PEX3: variants seen among roughly 807,000 people sequenced by gnomAD.
PEX3 encodes the protein peroxisomal biogenesis factor 3.
A neutral mutation model predicts 55.8 loss-of-function variants in PEX3; 30 were observed. The ratio of observed to expected loss-of-function variants is 0.54; its 90% CI spans 0.40 to 0.73. The LOEUF is 0.73. PEX3 is among the 30% of genes least tolerant of loss of function. The pLI, the probability that PEX3 is intolerant of heterozygous loss-of-function variation, is 0.00. For synonymous variants in PEX3, 135 were observed against 148.4 expected (o/e 0.91, Z 0.66); for missense variants, 351 against 432.8 (o/e 0.81, Z 1.68).
rs141469072 is a variant in PEX3, at chr6:143,479,005, C to T, written c.819-71C>T. On this transcript the variant is annotated intron_variant, in intron 9 of 11. Transcript: ENST00000367591. This position sits in a 1 kb window ranked among gnomAD's most constrained non-coding sequence, Gnocchi z 4.6. ...TGTTGGTGGCTTTCAAAGGTAACCA[C>T]GTTATTACTGAATTTGTTTTCTCTT... is the stretch of plus-strand genomic sequence containing the variant. 24 of 924,342 alleles carry T rather than the reference C, an allele frequency of 2.6e-5. No individual in the cohort carries two copies. The highest frequency in any genetic ancestry group is 1.1e-4 in the African/African-American group (7 of 61,658). 57.3% of individuals were successfully genotyped at this position (924,342 alleles called of 1,614,324 possible). A position where few individuals can be genotyped will look rare whatever the true frequency, so the allele number is the denominator to read the frequency against.
At chr6:143,472,863 G>A (rs1282213656) in intron 8 of PEX3, among the ~76,000 whole-genome samples, 1 of 152,198 alleles carries the variant, frequency 6.6e-6, no homozygotes, top group African/African-American at 2.4e-5. Flanking sequence ...GGAGGTTATA[G>A]TCATCCACTT....
rs1719951778 is a variant in PEX3 at position 143,488,789 on chromosome 6, T to C, written c.1039-354T>C. Among the ~76,000 whole-genome samples the C allele has an allele frequency of 6.6e-6, 1 of 152,100 alleles. No homozygotes were observed. Among genetic ancestry groups the C allele is most frequent in the African/African-American group, 2.4e-5 (1 of 41,438 alleles). Reference sequence around the variant, plus strand: ...AGATCTTCTAGAAAGTAATACACCCTTAACCGTGTTATGTCAGCTTCCAGC... The same window carrying C: ...AGATCTTCTAGAAAGTAATACACCCCTAACCGTGTTATGTCAGCTTCCAGC... On this transcript the variant is annotated intron_variant, in intron 11 of 11. Coordinates refer to ENST00000367591, the MANE Select transcript of PEX3 (RefSeq NM_003630.3). This position sits in a 1 kb window ranked among gnomAD's most constrained non-coding sequence, Gnocchi z 4.9.
Position 143,472,270 on chromosome 6 carries a change from C to A in PEX3, c.689C>A (p.Ser230Tyr). The stretch of plus-strand genomic sequence containing the variant: ...TCTTCTTGGATTAATAAAGATGGAT[C>A]CAAACCTTTATTATGCCATTATATG... ...KSSSWINKDG[S>Y]KPLLCHYMMP... Residue 230 changes from serine (S) to tyrosine (Y), a missense_variant, in exon 8 of 12, where the codon TCC becomes TAC. Transcript: ENST00000367591. The A allele has an allele frequency of 6.2e-7, 1 of 1,606,534 alleles. No individual in the cohort carries two copies. Among genetic ancestry groups the A allele is most frequent in the Non-Finnish European group, 8.5e-7 (1 of 1,173,538 alleles).
In PEX3 at chr6:143,476,726, G is replaced by C. The variant is rs1482062591; in HGVS notation, c.818+1870G>C. Among the ~76,000 whole-genome samples the C allele has an allele frequency of 6.6e-6, 1 of 152,218 alleles. No homozygotes were observed. Among genetic ancestry groups the C allele is most frequent in the African/African-American group, 2.4e-5 (1 of 41,458 alleles). On this transcript the variant is annotated intron_variant, in intron 9 of 11. Coordinates refer to ENST00000367591, the MANE Select transcript of PEX3 (RefSeq NM_003630.3). This position sits in a 1 kb window ranked among gnomAD's most constrained non-coding sequence, Gnocchi z 5.4. ...AGGAACTGCCATTTACATTTTGGCA[G>C]TGTTAAGCATATCCAAGTGGATATG...
intron 9 of PEX3, among the ~76,000 whole-genome samples, chr6:143,477,352 A>C (rs188480222): frequency 2.1e-3 from 323 of 152,314 alleles, no homozygotes; most frequent in Non-Finnish European, 3.2e-3. Context: ...ATGTATCTTC[A>C]GCTCTTAGAA....
Position 143,476,594 on chromosome 6 carries a change from T to G in PEX3, c.818+1738T>G, listed in dbSNP as rs968499025. 2.6e-5 allele frequency among the ~76,000 whole-genome samples: 4 copies of G among 152,138 alleles called. No individual in the cohort carries two copies. Among genetic ancestry groups the G allele is most frequent in the Non-Finnish European group, 4.4e-5 (3 of 68,028 alleles). ...AATAACAAGTGGCTAAATAATAGAT[T>G]TATTTTTAAGGTTGAACCAGTAGTA... On this transcript the variant is annotated intron_variant, in intron 9 of 11. Coordinates refer to ENST00000367591, the MANE Select transcript of PEX3 (RefSeq NM_003630.3). The surrounding 1 kb of genome is among the most constrained non-coding windows in gnomAD (Gnocchi z 5.4).
Position 143,450,873 on chromosome 6 carries a change from C to A in PEX3, c.-170C>A. Reference sequence around the variant, plus strand: ...GCTGCTTTGCTGTAGTCCACGCCCCCTTGCCGCTCCGGTGACAGTCTCTGC... The same window carrying A: ...GCTGCTTTGCTGTAGTCCACGCCCCATTGCCGCTCCGGTGACAGTCTCTGC... On this transcript the variant is annotated 5_prime_UTR_variant, in exon 1 of 12. Coordinates refer to ENST00000367591, the MANE Select transcript of PEX3 (RefSeq NM_003630.3). The A allele has an allele frequency of 1.3e-6, 1 of 789,146 alleles. No homozygotes were observed. The highest frequency in any genetic ancestry group is 2.2e-6 in the Non-Finnish European group (1 of 447,056). 48.9% of individuals were successfully genotyped at this position (789,146 alleles called of 1,614,324 possible). A position where few individuals can be genotyped will look rare whatever the true frequency, so the allele number is the denominator to read the frequency against.
At chr6:143,474,208 G>A (rs559763280) in intron 8 of PEX3, among the ~76,000 whole-genome samples, 1 of 152,008 alleles carries the variant, frequency 6.6e-6, no homozygotes, top group South Asian at 2.1e-4. Context: ...CCAGCACTTT[G>A]GGAGGCCGAG....
rs576014785 is a variant in PEX3, at chr6:143,488,308, A to T, written c.1039-835A>T. ...TTTCACAGACTGGTGAAGCCTATGG[A>T]CCCCTTCTCAGAACAATATTTATAA... is the stretch of plus-strand genomic sequence containing the variant. On this transcript the variant is annotated intron_variant, in intron 11 of 11. Transcript: ENST00000367591. The surrounding 1 kb of genome is among the most constrained non-coding windows in gnomAD (Gnocchi z 4.9). Among the ~76,000 whole-genome samples the T allele has an allele frequency of 7.2e-4, 109 of 152,192 alleles. No individual in the cohort carries two copies. Among genetic ancestry groups the T allele is most frequent in the Non-Finnish European group, 1.2e-3 (80 of 67,978 alleles).
In PEX3 at chr6:143,485,312, T is replaced by C; in HGVS notation, c.1038+64T>C. ...ATATTTGTGGTGGTGGTCATGTTTGTCTAACATAAAGTTACATTCTCTGCT... is the reference window on the plus strand; with the variant it reads ...ATATTTGTGGTGGTGGTCATGTTTGCCTAACATAAAGTTACATTCTCTGCT... On this transcript the variant is annotated intron_variant, in intron 11 of 11. Coordinates refer to ENST00000367591, the MANE Select transcript of PEX3 (RefSeq NM_003630.3). This position sits in a 1 kb window ranked among gnomAD's most constrained non-coding sequence, Gnocchi z 5.6. The C allele has an allele frequency of 1.1e-6, 1 of 923,682 alleles. No homozygotes were observed. Among genetic ancestry groups the C allele is most frequent in the South Asian group, 1.3e-5 (1 of 77,258 alleles). The allele number at this position is 923,682 out of a possible 1,614,324, so 57.2% of individuals were successfully genotyped here.
In PEX3 at chr6:143,475,261, C is replaced by A. The variant is rs906049900; in HGVS notation, c.818+405C>A. ...ATTTGACACTGCCTTTCTTGAAATT[C>A]TTTGCTCACATGACTTTCATGACAG... On this transcript the variant is annotated intron_variant, in intron 9 of 11. Transcript: ENST00000367591. This position sits in a 1 kb window ranked among gnomAD's most constrained non-coding sequence, Gnocchi z 4.4. 5.3e-5 allele frequency among the ~76,000 whole-genome samples: 8 copies of A among 152,182 alleles called. No homozygotes were observed. Among genetic ancestry groups the A allele is most frequent in the Admixed American group, 5.2e-4 (8 of 15,276 alleles).
At position 143,459,518 on chromosome 6, in the gene PEX3, A is replaced by G. The variant is rs7740425; in HGVS notation, c.205+302A>G. Among the ~76,000 whole-genome samples, 5,654 of 152,342 alleles carry G rather than the reference A, an allele frequency of 0.037. 350 individuals carry two copies. Among genetic ancestry groups the G allele is most frequent in the African/African-American group, 0.13 (5,307 of 41,568 alleles). ...TAGGGAGAGGAAAAGATGATAAACA[A>G]CAAATAAGTAACTTTAGGCAGTGAT... On this transcript the variant is annotated intron_variant, in intron 2 of 11. Transcript: ENST00000367591. This position sits in a 1 kb window ranked among gnomAD's most constrained non-coding sequence, Gnocchi z 4.2.
chr6:143,455,603 C>G (rs1378374832), intron 1 of PEX3, among the ~76,000 whole-genome samples: 2 of 151,884 alleles, frequency 1.3e-5, no homozygotes, highest in Non-Finnish European at 2.9e-5. Context: ...AGGGAAACCA[C>G]ATTAAGAAAT....
chr6:143,456,834 GCTAA>G (rs761060162), intron 1 of PEX3, among the ~76,000 whole-genome samples: 2 of 152,074 alleles, frequency 1.3e-5, no homozygotes, highest in Non-Finnish European at 2.9e-5. Context: ...TCAAAGTGTG[GCTAA>G]CTAACTACTC....
chr6:143,465,116 A>C lies in PEX3; in HGVS notation c.287+2119A>C, dbSNP rs1237340395. Among the ~76,000 whole-genome samples the C allele has an allele frequency of 6.6e-6, 1 of 152,020 alleles. No homozygotes were observed. The highest frequency in any genetic ancestry group is 1.5e-5 in the Non-Finnish European group (1 of 67,876). On this transcript the variant is annotated intron_variant, in intron 3 of 11. Coordinates refer to ENST00000367591, the MANE Select transcript of PEX3 (RefSeq NM_003630.3). This position sits in a 1 kb window ranked among gnomAD's most constrained non-coding sequence, Gnocchi z 4.7. ...CGAAAAGATTCGTTTAATTCTCTTT[A>C]CTTTTTATTTCTCCATGAAGGTATT...
At position 143,475,458 on chromosome 6, in the gene PEX3, C is replaced by T. The variant is rs964580524; in HGVS notation, c.818+602C>T. ...CTTGAGCCTAGGAGTTCAAGACCAGCCTGGGTAACATGGCAAAAACCCCAT... is the reference window on the plus strand; with the variant it reads ...CTTGAGCCTAGGAGTTCAAGACCAGTCTGGGTAACATGGCAAAAACCCCAT... On this transcript the variant is annotated intron_variant, in intron 9 of 11. Coordinates refer to ENST00000367591, the MANE Select transcript of PEX3 (RefSeq NM_003630.3). This position sits in a 1 kb window ranked among gnomAD's most constrained non-coding sequence, Gnocchi z 4.4. Among the ~76,000 whole-genome samples the T allele has an allele frequency of 6.6e-6, 1 of 152,050 alleles. No homozygotes were observed. Among genetic ancestry groups the T allele is most frequent in the African/African-American group, 2.4e-5 (1 of 41,380 alleles).
At chr6:143,469,752 A>G (rs1780044793) in intron 4 of PEX3, among the ~76,000 whole-genome samples, 1 of 152,192 alleles carries the variant, frequency 6.6e-6, no homozygotes, top group African/African-American at 2.4e-5. Flanking sequence ...GTCCTTGCCC[A>G]TGCCAATGTC....
chr6:143,474,857 G>A lies in PEX3; in HGVS notation c.818+1G>A, dbSNP rs958074446. The A allele has an allele frequency of 6.6e-7, 1 of 1,514,706 alleles. No homozygotes were observed. The highest frequency in any genetic ancestry group is 9.2e-7 in the Non-Finnish European group (1 of 1,089,800). The allele number at this position is 1,514,706 out of a possible 1,614,324, so 93.8% of individuals were successfully genotyped here. A position where few individuals can be genotyped will look rare whatever the true frequency, so the allele number is the denominator to read the frequency against. Reference sequence around the variant, plus strand: ...ATGAAACTAGAGACATGTTGGAAAGGTATGTATACTTCATGTAGCAGGAAA... The same window carrying A: ...ATGAAACTAGAGACATGTTGGAAAGATATGTATACTTCATGTAGCAGGAAA... On this transcript the variant is annotated splice_donor_variant, in intron 9 of 11. Transcript: ENST00000367591. LOFTEE classifies it high-confidence loss of function.
At chr6:143,468,033 T>TA (rs1163320099) in intron 3 of PEX3, 89 bp from the exon 4 acceptor site, 86 of 758,386 alleles carry the variant, frequency 1.1e-4, no homozygotes, top group Non-Finnish European at 1.8e-4. Flanking sequence ...TAATTTTTTT[T>TA]AAAAAGTAAA....
Sources: gnomAD v4.1 joint callset for allele counts (sites outside exome capture counted in the v4.1 genomes callset) on GRCh38, gnomAD v4.1.1 for gene constraint, Gnocchi (gnomAD v3.1) non-coding constraint, MANE v1.5 for transcripts, NCBI Gene and HGNC (gene_info 2026-07-23, HGNC 2026-07-21) for gene names.